ESYT3: variants seen among roughly 807,000 people sequenced by gnomAD.
ESYT3 encodes the protein extended synaptotagmin-3.
ESYT3 carries 101 observed loss-of-function variants against 111.5 expected under a neutral mutation model. The observed-to-expected ratio is 0.91, with a 90% confidence interval of 0.77 to 1.07. ESYT3 has a LOEUF of 1.07. Among genes scored for constraint, ESYT3 ranks in the 50% least tolerant of loss-of-function variants. The pLI, the probability that ESYT3 is intolerant of heterozygous loss-of-function variation, is 0.00. For missense variants in ESYT3, 1,097 were observed against 1,109.4 expected (o/e 0.99, Z 0.16); for synonymous variants, 416 against 446.8 (o/e 0.93, Z 0.87).
At chr3:138,454,816 C>T (rs1448483098) in intron 2 of ESYT3, among the ~76,000 whole-genome samples, 1 of 152,178 alleles carries the variant, frequency 6.6e-6, no homozygotes, top group African/African-American at 2.4e-5. Context: ...TAATTTTTTT[C>T]TTAAACTTCT....
chr3:138,470,762 C>T (rs1323719176), intron 16 of ESYT3, 115 bp from the exon 17 acceptor site: 3 of 1,545,154 alleles, frequency 1.9e-6, no homozygotes, highest in Non-Finnish European at 2.6e-6. Context: ...GACCAGATGC[C>T]CATAGAAGCA....
intron 1 of ESYT3, among the ~76,000 whole-genome samples, chr3:138,445,869 T>C (rs2031504905): frequency 2.0e-5 from 3 of 152,198 alleles, no homozygotes; most frequent in Admixed American, 2.0e-4. Context: ...AGGTGGAATT[T>C]GAAATACACA....
At chr3:138,460,722 C>G (rs909954374) in intron 7 of ESYT3, 56 bp downstream of exon 7, 2 of 1,567,352 alleles carry the variant, frequency 1.3e-6, no homozygotes, top group Admixed American at 1.7e-5. Flanking sequence ...CTCCAGGGCT[C>G]TGCAGCCAGT....
chr3:138,457,770 C>T, intron 4 of ESYT3, 126 bp downstream of exon 4: 2 of 878,452 alleles, frequency 2.3e-6, no homozygotes, highest in Non-Finnish European at 3.6e-6. Flanking sequence ...AGGACCCTCC[C>T]CTCCTCCCAG....
intron 1 of ESYT3, among the ~76,000 whole-genome samples, chr3:138,436,247 A>G (rs2030676410): frequency 6.6e-6 from 1 of 152,202 alleles, no homozygotes; most frequent in African/African-American, 2.4e-5. Flanking sequence ...CCCGAAGTCC[A>G]AGATCAAGGT....
intron 14 of ESYT3, 61 bp downstream of exon 14, chr3:138,468,942 T>C: frequency 2.0e-6 from 3 of 1,536,048 alleles, no homozygotes; most frequent in Non-Finnish European, 2.7e-6. Context: ...CTCCCCAGAG[T>C]AACCACAACC....
In ESYT3 at chr3:138,479,722, A is replaced by G. The variant is rs2033641597; in HGVS notation, c.*2868A>G. ...CCTTTTGGCAAGTTTCTTAGCCACA[A>G]GTGGGTTGCATGGTCCTATGGCTGC... On this transcript the variant is annotated 3_prime_UTR_variant, in exon 23 of 23. Transcript: ENST00000389567. 2 of 152,204 alleles carry G rather than the reference A, an allele frequency of 1.3e-5. No homozygotes were observed. The highest frequency in any genetic ancestry group is 4.8e-5 in the African/African-American group (2 of 41,442). 9.4% of individuals were successfully genotyped at this position (152,204 alleles called of 1,614,324 possible).
chr3:138,465,387 G>A lies in ESYT3; in HGVS notation c.1135G>A (p.Asp379Asn), dbSNP rs765233269. The A allele has an allele frequency of 6.3e-7, 1 of 1,596,990 alleles. No homozygotes were observed. The highest frequency in any genetic ancestry group is 1.9e-4 in the Middle Eastern group (1 of 5,226). ...ACAGGACCTGGAGGTAGACCTGTATGATGAGGATACCGACAGGGATGACTT... is the reference window on the plus strand; with the variant it reads ...ACAGGACCTGGAGGTAGACCTGTATAATGAGGATACCGACAGGGATGACTT... Reference protein sequence around the residue: ...PGQDLEVDLYDEDTDRDDFLG... With the variant: ...PGQDLEVDLYNEDTDRDDFLG... Residue 379 changes from aspartate to asparagine, a missense_variant, in exon 10 of 23, where the codon GAT (aspartate) becomes AAT (asparagine). Coordinates refer to ENST00000389567, the MANE Select transcript of ESYT3 (RefSeq NM_031913.5).
At chr3:138,474,177 AG>A in intron 19 of ESYT3, 43 bp from the exon 20 acceptor site, 1 of 1,552,314 alleles carries the variant, frequency 6.4e-7, no homozygotes. Context: ...TTTGAAAACC[AG>A]GGCCCTTTTT....
At chr3:138,446,177 C>G (rs1403613387) in intron 1 of ESYT3, among the ~76,000 whole-genome samples, 1 of 152,178 alleles carries the variant, frequency 6.6e-6, no homozygotes, top group African/African-American at 2.4e-5. Context: ...GGGCTAAAGC[C>G]CCATAAGGGC....
chr3:138,478,390 T>C lies in ESYT3; in HGVS notation c.*1536T>C, dbSNP rs556478226. ...TTCTATTTTAAATGGCAAATTCTCA[T>C]AATAAAATGGAGCATTGATGCCTAC... On this transcript the variant is annotated 3_prime_UTR_variant, in exon 23 of 23. Coordinates refer to ENST00000389567, the MANE Select transcript of ESYT3 (RefSeq NM_031913.5). The C allele has an allele frequency of 6.6e-6, 1 of 152,166 alleles. No individual in the cohort carries two copies. Among genetic ancestry groups the C allele is most frequent in the Non-Finnish European group, 1.5e-5 (1 of 68,024 alleles). 9.4% of individuals were successfully genotyped at this position (152,166 alleles called of 1,614,324 possible). A position where few individuals can be genotyped will look rare whatever the true frequency, so the allele number is the denominator to read the frequency against.
chr3:138,479,437 CTG>C lies in ESYT3; in HGVS notation c.*2587_*2588del, dbSNP rs2033627523. Reference sequence around the variant, plus strand: ...AAAGATACTCATCTTAAAAATATAACTGTGTCAGTCACTAATTCATTACCTCT... The same window carrying C: ...AAAGATACTCATCTTAAAAATATAACTGTCAGTCACTAATTCATTACCTCT... On this transcript the variant is annotated 3_prime_UTR_variant, in exon 23 of 23. Coordinates refer to ENST00000389567, the MANE Select transcript of ESYT3 (RefSeq NM_031913.5). 1 of 152,236 alleles carries C rather than the reference CTG, an allele frequency of 6.6e-6. No individual in the cohort carries two copies. Among genetic ancestry groups the C allele is most frequent in the South Asian group, 2.1e-4 (1 of 4,832 alleles). 9.4% of individuals were successfully genotyped at this position (152,236 alleles called of 1,614,324 possible).
rs2030483077 is a variant in ESYT3, at chr3:138,434,753, T to G, written c.-46T>G. 4 of 1,462,820 alleles carry G rather than the reference T, an allele frequency of 2.7e-6. No individual in the cohort carries two copies. Among genetic ancestry groups the G allele is most frequent in the Non-Finnish European group, 2.7e-6 (3 of 1,108,396 alleles). 90.6% of individuals were successfully genotyped at this position (1,462,820 alleles called of 1,614,324 possible). A position where few individuals can be genotyped will look rare whatever the true frequency, so the allele number is the denominator to read the frequency against. The stretch of plus-strand genomic sequence containing the variant: ...GCATGGGCGTGGGGGCATGCGGACC[T>G]AAGCTCGGGTGAAGCTCTCGGGAAG... On this transcript the variant is annotated 5_prime_UTR_variant, in exon 1 of 23. It removes the in-frame stop codon of an upstream open reading frame in the 5' UTR. Coordinates refer to ENST00000389567, the MANE Select transcript of ESYT3 (RefSeq NM_031913.5).
At position 138,476,996 on chromosome 3, in the gene ESYT3, C is replaced by A; in HGVS notation, c.*142C>A. ...CACTTGAAATTATATACATACAATT[C>A]TTGTGTGGAATTTAACTCCATGACT... On this transcript the variant is annotated 3_prime_UTR_variant, in exon 23 of 23. Coordinates refer to ENST00000389567, the MANE Select transcript of ESYT3 (RefSeq NM_031913.5). 3.6e-6 allele frequency: 2 copies of A among 549,562 alleles called. No individual in the cohort carries two copies. Among genetic ancestry groups the A allele is most frequent in the Non-Finnish European group, 6.1e-6 (2 of 326,622 alleles). The allele number at this position is 549,562 out of a possible 1,614,324, so 34.0% of individuals were successfully genotyped here. A position where few individuals can be genotyped will look rare whatever the true frequency, so the allele number is the denominator to read the frequency against.
chr3:138,456,412 A>G (rs1020901623), intron 3 of ESYT3, among the ~76,000 whole-genome samples: 2 of 152,142 alleles, frequency 1.3e-5, no homozygotes, highest in Non-Finnish European at 2.9e-5. Context: ...GGAAAAGGTG[A>G]TGGCTCAGTT....
chr3:138,462,269 C>G (rs1166599383), intron 8 of ESYT3, 63 bp downstream of exon 8: 3 of 1,608,088 alleles, frequency 1.9e-6, no homozygotes, highest in Non-Finnish European at 2.6e-6. Flanking sequence ...TCCTCTCAGC[C>G]TTCACATGTG....
At chr3:138,460,514 G>A in intron 6 of ESYT3, 97 bp from the exon 7 acceptor site, 1 of 1,332,652 alleles carries the variant, frequency 7.5e-7, no homozygotes, top group Non-Finnish European at 1.1e-6. Flanking sequence ...GGAAGGCTGG[G>A]TTCTCCATTC....
chr3:138,470,489 G>C, intron 16 of ESYT3: 1 of 1,105,764 alleles, frequency 9.0e-7, no homozygotes, highest in Non-Finnish European at 1.1e-6. Context: ...CTTCACAAAA[G>C]ATCTGTAGAG....
Position 138,460,459 on chromosome 3 carries a change from C to T in ESYT3, c.739-152C>T, listed in dbSNP as rs2032564508. On this transcript the variant is annotated intron_variant, in intron 6 of 22. Coordinates refer to ENST00000389567, the MANE Select transcript of ESYT3 (RefSeq NM_031913.5). ...GGGGGTGGCCTCGCCTGCCTGACAC[C>T]CTGGCAGAGGGTGCTCTGCCTGCTT... is the stretch of plus-strand genomic sequence containing the variant. 6 of 827,958 alleles carry T rather than the reference C, an allele frequency of 7.2e-6. No individual in the cohort carries two copies. In the South Asian group the frequency reaches 9.2e-5, roughly 13 times the overall value. 51.3% of individuals were successfully genotyped at this position (827,958 alleles called of 1,614,324 possible).
Sources: gnomAD v4.1 joint callset for allele counts (sites outside exome capture counted in the v4.1 genomes callset) on GRCh38, gnomAD v4.1.1 for gene constraint, MANE v1.5 for transcripts, NCBI Gene and HGNC (gene_info 2026-07-23, HGNC 2026-07-21) for gene names.